Variants in ELAVL2 observed in about 807,000 individuals in gnomAD.
ELAVL2 encodes ELAV-like protein 2.
Under a neutral mutation model 34.6 loss-of-function variants are expected in ELAVL2, and 4 were observed. The observed-to-expected ratio is 0.12, with a 90% CI of 0.06 to 0.26. The LOEUF (loss-of-function observed/expected upper bound fraction) is 0.26, where lower values mean the gene tolerates loss of function less well. Ranked by LOEUF, ELAVL2 falls within the 10% of genes least tolerant of loss-of-function variation. The pLI is 1.00. For missense variants in ELAVL2, 432 were observed against 442.8 expected (o/e 0.98, Z 0.22); for synonymous variants, 193 against 154.8 (o/e 1.25, Z -1.83).
intron 1 of ELAVL2, among the ~76,000 whole-genome samples, chr9:23,806,627 A>G (rs2062254307): frequency 6.6e-6 from 1 of 152,210 alleles, no homozygotes; most frequent in South Asian, 2.1e-4. Context: ...TCTTAAAAAA[A>G]AAAATCAGTA....
intron 1 of ELAVL2, among the ~76,000 whole-genome samples, chr9:23,788,394 T>A (rs1383771663): frequency 6.6e-6 from 1 of 152,134 alleles, no homozygotes; most frequent in African/African-American, 2.4e-5. Flanking sequence ...GATATGGCAG[T>A]CCCCTTTTTA....
At chr9:23,708,506 T>A (rs1042195462) in intron 3 of ELAVL2, among the ~76,000 whole-genome samples, 1 of 152,336 alleles carries the variant, frequency 6.6e-6, no homozygotes, top group South Asian at 2.1e-4. Context: ...AATAATACTA[T>A]GGTAAGTGAG....
intron 2 of ELAVL2, among the ~76,000 whole-genome samples, chr9:23,747,168 T>TTA (rs1416706361): frequency 6.6e-6 from 1 of 151,940 alleles, no homozygotes; most frequent in Admixed American, 6.6e-5. Flanking sequence ...CTACTTTTTT[T>TTA]TTTCCGATCT....
intron 2 of ELAVL2, among the ~76,000 whole-genome samples, chr9:23,737,676 C>T (rs1310600471): frequency 6.6e-6 from 1 of 152,154 alleles, no homozygotes; most frequent in African/African-American, 2.4e-5. Context: ...TAAAAGGTGA[C>T]TACACTGATT....
At chr9:23,739,991 A>G (rs1029181445) in intron 2 of ELAVL2, among the ~76,000 whole-genome samples, 11 of 152,202 alleles carry the variant, frequency 7.2e-5, no homozygotes, top group African/African-American at 2.7e-4. Flanking sequence ...ACGGGAAACT[A>G]TAAAATTAGA....
At chr9:23,738,453 C>A (rs955694838) in intron 2 of ELAVL2, among the ~76,000 whole-genome samples, 23 of 152,182 alleles carry the variant, frequency 1.5e-4, no homozygotes, top group Non-Finnish European at 4.4e-5. Flanking sequence ...AGATGGAGGA[C>A]TGGTGAGATC....
intron 2 of ELAVL2, among the ~76,000 whole-genome samples, chr9:23,753,137 G>T (rs1031360984): frequency 1.3e-5 from 2 of 152,166 alleles, no homozygotes; most frequent in Non-Finnish European, 2.9e-5. Flanking sequence ...GTATAGACCT[G>T]ACAAATCGAA....
rs563834630 is a variant in ELAVL2, at chr9:23,716,265, A to T, written c.334-11194T>A. The stretch of plus-strand genomic sequence containing the variant: ...ACCAACATGGCACATGTATACATAT[A>T]TAACAAACCTGCACGTTGTGCACAT... On this transcript the variant is annotated intron_variant, in intron 3 of 6. Coordinates refer to ENST00000397312, the MANE Select transcript of ELAVL2 (RefSeq NM_004432.5). Among the ~76,000 whole-genome samples the T allele has an allele frequency of 5.3e-5, 8 of 152,044 alleles. No homozygotes were observed. The South Asian group carries it at 8.3e-4, about 16-fold the overall frequency.
intron 1 of ELAVL2, among the ~76,000 whole-genome samples, chr9:23,787,521 C>T (rs1339762439): frequency 2.0e-5 from 3 of 151,794 alleles, no homozygotes; most frequent in East Asian, 3.9e-4. Context: ...CATGAGCCAC[C>T]ACGCCTGGCC....
intron 1 of ELAVL2, among the ~76,000 whole-genome samples, chr9:23,806,745 T>A (rs2062276700): frequency 2.0e-5 from 3 of 152,096 alleles, no homozygotes. Context: ...GCCCTGAAAA[T>A]TTAAACCAAT....
chr9:23,822,967 G>T lies in ELAVL2; in HGVS notation c.-16+2839C>A, dbSNP rs576043839. Among the ~76,000 whole-genome samples, 3 of 152,352 alleles carry T rather than the reference G, an allele frequency of 2.0e-5. No individual in the cohort carries two copies. In the East Asian group the frequency reaches 5.8e-4, roughly 30 times the overall value. ...GGAGGGGACTCGTCTAACCCAGGGCGGGTGTGGGAGAGGCAAATTTGCCCT... is the reference window on the plus strand; with the variant it reads ...GGAGGGGACTCGTCTAACCCAGGGCTGGTGTGGGAGAGGCAAATTTGCCCT... On this transcript the variant is annotated intron_variant, in intron 1 of 6. Transcript: ENST00000397312.
At chr9:23,722,807 A>G (rs2044075940) in intron 3 of ELAVL2, among the ~76,000 whole-genome samples, 1 of 152,240 alleles carries the variant, frequency 6.6e-6, no homozygotes, top group African/African-American at 2.4e-5. Flanking sequence ...TTCTGCACGA[A>G]TTCAAAACAG....
At chr9:23,815,165 T>TA in intron 1 of ELAVL2, among the ~76,000 whole-genome samples, 1 of 152,184 alleles carries the variant, frequency 6.6e-6, no homozygotes, top group Admixed American at 6.5e-5. Flanking sequence ...CGGACTATTT[T>TA]AATATAAATG....
chr9:23,739,389 T>G (rs1037134046), intron 2 of ELAVL2, among the ~76,000 whole-genome samples: 1 of 152,284 alleles, frequency 6.6e-6, no homozygotes, highest in Middle Eastern at 3.4e-3. Flanking sequence ...TACCTTCAGA[T>G]AGCCTGAAAG....
At chr9:23,753,082 C>T (rs1439474975) in intron 2 of ELAVL2, among the ~76,000 whole-genome samples, 1 of 152,048 alleles carries the variant, frequency 6.6e-6, no homozygotes, top group Admixed American at 6.5e-5. Context: ...CTTTAAAGAG[C>T]CAAAACAAAT....
chr9:23,804,035 C>T (rs1026449764), intron 1 of ELAVL2, among the ~76,000 whole-genome samples: 1 of 152,120 alleles, frequency 6.6e-6, no homozygotes, highest in Non-Finnish European at 1.5e-5. Context: ...TATTAAAATG[C>T]TCTGAAAAGC....
chr9:23,786,802 A>AG (rs796876123), intron 1 of ELAVL2, among the ~76,000 whole-genome samples: 203 of 127,228 alleles, frequency 1.6e-3, no homozygotes, highest in Middle Eastern at 4.5e-3. Context: ...AAAAAAAAAA[A>AG]AGAGAGAGAG....
At chr9:23,809,699 G>A (rs950739982) in intron 1 of ELAVL2, among the ~76,000 whole-genome samples, 1 of 152,004 alleles carries the variant, frequency 6.6e-6, no homozygotes, top group Non-Finnish European at 1.5e-5. Flanking sequence ...AAATTTTCCT[G>A]AATTTCTCCT....
At chr9:23,737,881 T>C (rs1451267157) in intron 2 of ELAVL2, among the ~76,000 whole-genome samples, 2 of 152,158 alleles carry the variant, frequency 1.3e-5, no homozygotes, top group African/African-American at 4.8e-5. Context: ...ATTCGCTTCC[T>C]CCAAACACAG....
Sources: allele counts gnomAD v4.1 joint callset (sites outside exome capture counted in the v4.1 genomes callset), GRCh38; gene constraint gnomAD v4.1.1; transcripts MANE v1.5; gene names NCBI Gene and HGNC (gene_info 2026-07-23, HGNC 2026-07-21).